The following ASB3 variants were observed in gnomAD, a reference collection of about 807,000 sequenced individuals.
ASB3 encodes ankyrin repeat and SOCS box containing 3, also known as ankyrin repeat and SOCS box protein 3.
In ASB3, 41 loss-of-function variants were observed where a neutral mutation model predicts 54.5. That is an observed-to-expected ratio of 0.75 (90% CI 0.59 to 0.98). The LOEUF (loss-of-function observed/expected upper bound fraction) is 0.98, where lower values mean the gene tolerates loss of function less well. Among genes scored for constraint, ASB3 ranks in the 50% least tolerant of loss-of-function variants. The pLI, the probability that ASB3 is intolerant of heterozygous loss-of-function variation, is 0.00. For synonymous variants in ASB3, 266 were observed against 221.2 expected, an observed-to-expected ratio of 1.20 and a Z score of -1.80; for missense variants, 733 against 620.0, an observed-to-expected ratio of 1.18 and a Z score of -1.94.
chr2:53,720,090 G>T (rs990150311), intron 5 of ASB3, among the ~76,000 whole-genome samples: 1 of 151,292 alleles, frequency 6.6e-6, no homozygotes, highest in Non-Finnish European at 1.5e-5. Flanking sequence ...TGCTCACTGG[G>T]ATAAGTGCAT....
chr2:53,742,217 T>C (rs1422015793), intron 3 of ASB3, among the ~76,000 whole-genome samples: 1 of 152,120 alleles, frequency 6.6e-6, no homozygotes, highest in Non-Finnish European at 1.5e-5. Context: ...TGAAAGATAC[T>C]AGCTAAATGA....
chr2:53,685,002 T>C (rs1315075633), intron 9 of ASB3, among the ~76,000 whole-genome samples: 1 of 152,082 alleles, frequency 6.6e-6, no homozygotes, highest in African/African-American at 2.4e-5. Flanking sequence ...TGAAGTGTAG[T>C]ATTTAGGAAA....
chr2:53,767,921 AG>A, intron 1 of ASB3: 5 of 1,613,910 alleles, frequency 3.1e-6, no homozygotes, highest in Non-Finnish European at 4.2e-6. Flanking sequence ...CTGATCTGGA[AG>A]GTGGATTTCC....
chr2:53,744,044 A>G (rs1672085586), intron 3 of ASB3, among the ~76,000 whole-genome samples: 1 of 146,520 alleles, frequency 6.8e-6, no homozygotes, highest in Non-Finnish European at 1.5e-5. Context: ...CTCTGTCTCA[A>G]AAAAAAAAAA....
chr2:53,721,975 A>G (rs973642089), intron 5 of ASB3, among the ~76,000 whole-genome samples: 1 of 152,162 alleles, frequency 6.6e-6, no homozygotes, highest in South Asian at 2.1e-4. Flanking sequence ...GAAGGTCCAA[A>G]TAAGCACAAT....
chr2:53,769,342 T>C (rs557829095), intron 1 of ASB3, among the ~76,000 whole-genome samples: 1 of 152,334 alleles, frequency 6.6e-6, no homozygotes, highest in East Asian at 1.9e-4. Context: ...ATATTTAAAA[T>C]TGCCATTCCG....
intron 9 of ASB3, among the ~76,000 whole-genome samples, chr2:53,689,455 T>G (rs909789144): frequency 1.3e-5 from 2 of 152,228 alleles, no homozygotes; most frequent in Non-Finnish European, 2.9e-5. Context: ...CTAATAGGTT[T>G]TATTATCCTA....
At chr2:53,690,291 G>A (rs1036175154) in intron 9 of ASB3, among the ~76,000 whole-genome samples, 1 of 151,932 alleles carries the variant, frequency 6.6e-6, no homozygotes, top group African/African-American at 2.4e-5. Context: ...ACTGAGTTGA[G>A]ACATACAATA....
At chr2:53,751,870 A>C (rs551057248) in intron 2 of ASB3, among the ~76,000 whole-genome samples, 2 of 152,340 alleles carry the variant, frequency 1.3e-5, no homozygotes, top group Admixed American at 1.3e-4. Context: ...ATGCACAACT[A>C]AAGGGCAAGA....
At chr2:53,737,166 T>TG (rs1558549857) in intron 3 of ASB3, among the ~76,000 whole-genome samples, 1 of 152,134 alleles carries the variant, frequency 6.6e-6, no homozygotes, top group Non-Finnish European at 1.5e-5. Flanking sequence ...ACTCGGGTAT[T>TG]AATCAACAGG....
At chr2:53,778,403 A>T (rs951050653) in intron 1 of ASB3, among the ~76,000 whole-genome samples, 1 of 151,976 alleles carries the variant, frequency 6.6e-6, no homozygotes, top group African/African-American at 2.4e-5. Flanking sequence ...ATGACCTCAA[A>T]TTTTTTTTGT....
chr2:53,738,993 G>A (rs1352038904), intron 3 of ASB3, among the ~76,000 whole-genome samples: 2 of 152,176 alleles, frequency 1.3e-5, no homozygotes, highest in Non-Finnish European at 2.9e-5. Flanking sequence ...GAACCTCTGA[G>A]GGTAGGAACA....
chr2:53,678,654 G>C (rs573947505), intron 9 of ASB3, among the ~76,000 whole-genome samples: 3 of 152,264 alleles, frequency 2.0e-5, no homozygotes, highest in Non-Finnish European at 2.9e-5. Flanking sequence ...CGGATATGTA[G>C]GTACAAGGCA....
At position 53,728,711 on chromosome 2, in the gene ASB3, C is replaced by A; in HGVS notation, c.604+1G>T. On this transcript the variant is annotated splice_donor_variant, in intron 5 of 9. Coordinates refer to ENST00000263634, the MANE Select transcript of ASB3 (RefSeq NM_016115.5). LOFTEE classifies it high-confidence loss of function. Reference sequence around the variant, plus strand: ...GTACAAAGGCTAATGGATAATCTTACCCGATGAAATAAGTATGCTCAAGCT... The same window carrying A: ...GTACAAAGGCTAATGGATAATCTTAACCGATGAAATAAGTATGCTCAAGCT... The A allele has an allele frequency of 6.3e-7, 1 of 1,599,772 alleles. No individual in the cohort carries two copies. The highest frequency in any genetic ancestry group is 8.5e-7 in the Non-Finnish European group (1 of 1,173,284).
chr2:53,780,074 A>G (rs1423786953), intron 1 of ASB3, among the ~76,000 whole-genome samples: 1 of 152,064 alleles, frequency 6.6e-6, no homozygotes, highest in Non-Finnish European at 1.5e-5. Context: ...CTTGTTTCCA[A>G]TCTCTTTTCC....
chr2:53,777,067 T>C (rs915055615), intron 1 of ASB3, among the ~76,000 whole-genome samples: 1 of 152,198 alleles, frequency 6.6e-6, no homozygotes, highest in African/African-American at 2.4e-5. Flanking sequence ...TCTTGGTTGT[T>C]TTACTTAATT....
chr2:53,745,269 G>A (rs1019385350), intron 3 of ASB3, among the ~76,000 whole-genome samples: 2 of 152,120 alleles, frequency 1.3e-5, no homozygotes, highest in African/African-American at 4.8e-5. Context: ...GTAGAGAAAA[G>A]AAATAAGGCA....
intron 2 of ASB3, among the ~76,000 whole-genome samples, chr2:53,757,427 C>T (rs184647212): frequency 1.2e-4 from 18 of 152,346 alleles, no homozygotes; most frequent in South Asian, 1.0e-3. Context: ...GAGATCATGG[C>T]GCAGCCGAAG....
At chr2:53,708,635 C>T (rs1164479933) in intron 7 of ASB3, among the ~76,000 whole-genome samples, 2 of 152,192 alleles carry the variant, frequency 1.3e-5, no homozygotes, top group East Asian at 3.9e-4. Context: ...AAATGGTTGT[C>T]ACCAAAGTGC....
Sources: allele counts gnomAD v4.1 joint callset (sites outside exome capture counted in the v4.1 genomes callset), GRCh38; gene constraint gnomAD v4.1.1; transcripts MANE v1.5; gene names NCBI Gene and HGNC (gene_info 2026-07-23, HGNC 2026-07-21).